SLC9A8: variants seen among roughly 807,000 people sequenced by gnomAD.
The protein encoded by SLC9A8 is solute carrier family 9 member A8, also known as sodium/hydrogen exchanger 8.
Under a neutral mutation model 66.6 loss-of-function variants are expected in SLC9A8, and 48 were observed. The ratio of observed to expected loss-of-function variants is 0.72; its 90% CI spans 0.57 to 0.92. The LOEUF is 0.92. SLC9A8 is among the 40% of genes least tolerant of loss of function. The pLI, the probability that SLC9A8 is intolerant of heterozygous loss-of-function variation, is 0.00. For missense variants in SLC9A8, 599 were observed against 747.3 expected (o/e 0.80, Z 2.31); for synonymous variants, 274 against 282.6 (o/e 0.97, Z 0.31).
At position 49,878,077 on chromosome 20, in the gene SLC9A8, T is replaced by C; in HGVS notation, c.1158+14T>C. 1.2e-6 allele frequency: 1 copy of C among 842,424 alleles called. No homozygotes were observed. The highest frequency in any genetic ancestry group is 1.7e-6 in the Non-Finnish European group (1 of 602,180). 52.2% of individuals were successfully genotyped at this position (842,424 alleles called of 1,614,324 possible). ...ATCTGGTGCATAGTAAGTATTTTCC[T>C]TTTTTTTTTTAAATTTAATTACTTA... On this transcript the variant is annotated intron_variant, in intron 12 of 15. Coordinates refer to ENST00000361573, the MANE Select transcript of SLC9A8 (RefSeq NM_015266.3).
chr20:49,878,381 C>A (rs573395820), intron 12 of SLC9A8, among the ~76,000 whole-genome samples: 60 of 151,936 alleles, frequency 3.9e-4, no homozygotes, highest in Admixed American at 6.6e-4. Flanking sequence ...AAGCAGATTT[C>A]AAAATTGAAT....
rs1462511758 is a variant in SLC9A8, at chr20:49,834,221, A to ACC, written c.290-5319_290-5318insCC. Among the ~76,000 whole-genome samples the ACC allele has an allele frequency of 2.3e-3, 320 of 138,720 alleles. 6 individuals are homozygous for ACC. The highest frequency in any genetic ancestry group is 7.9e-3 in the African/African-American group (295 of 37,536). 91.0% of individuals were successfully genotyped at this position (138,720 alleles called of 152,430 possible). On this transcript the variant is annotated intron_variant, in intron 3 of 15. Transcript: ENST00000361573. The stretch of plus-strand genomic sequence containing the variant: ...TATATATATATATATATATACACAC[A>ACC]CACACTATGTATATACACACACTGT...
At chr20:49,869,732 C>T (rs2089134108) in intron 10 of SLC9A8, among the ~76,000 whole-genome samples, 1 of 152,084 alleles carries the variant, frequency 6.6e-6, no homozygotes, top group East Asian at 1.9e-4. Flanking sequence ...ACTCGGCAGG[C>T]TGAGGCAGGA....
chr20:49,815,173 C>A lies in SLC9A8; in HGVS notation c.192C>A (p.Phe64Leu), dbSNP rs764980719. The change falls in exon 2 of 16, where the codon TTC becomes TTA. Residue 64 changes from phenylalanine to leucine, a missense_variant. Physicochemically the swap from Phe to Leu is conservative, Grantham distance 22. Coordinates refer to ENST00000361573, the MANE Select transcript of SLC9A8 (RefSeq NM_015266.3). ...AGTCCAGCGGCATGACCATTTTCTT[C>A]AGCCTCCTTGTCCTAGGTGAATATG... ...EEQSSGMTIF[F>L]SLLVLAICII... 1.9e-6 allele frequency: 3 copies of A among 1,565,230 alleles called. No individual in the cohort carries two copies. Among genetic ancestry groups the A allele is most frequent in the Non-Finnish European group, 2.6e-6 (3 of 1,153,846 alleles).
rs749212081 is a variant in SLC9A8 at position 49,850,852 on chromosome 20, C to G, written c.569+8C>G. The G allele has an allele frequency of 6.3e-7, 1 of 1,595,812 alleles. No individual in the cohort carries two copies. The highest frequency in any genetic ancestry group is 1.1e-5 in the South Asian group (1 of 86,968). ...ACTCAACATGACAGACAGGTAAATC[C>G]TTCATACTGTAACACCCATGCGACT... On this transcript the variant is annotated splice_region_variant and intron_variant, in intron 7 of 15. Coordinates refer to ENST00000361573, the MANE Select transcript of SLC9A8 (RefSeq NM_015266.3).
intron 4 of SLC9A8, among the ~76,000 whole-genome samples, chr20:49,843,390 A>G (rs551621572): frequency 1.3e-5 from 2 of 152,120 alleles, no homozygotes; most frequent in South Asian, 4.1e-4. Context: ...AGAAGTCATC[A>G]TTTGCTTCTA....
intron 12 of SLC9A8, 71 bp from the exon 13 acceptor site, chr20:49,880,853 C>A: frequency 9.8e-7 from 1 of 1,018,824 alleles, no homozygotes; most frequent in Non-Finnish European, 1.6e-6. Context: ...TCTGCATTAG[C>A]TTCATCCAAG....
chr20:49,855,381 A>G, intron 7 of SLC9A8, 57 bp from the exon 8 acceptor site: 1 of 1,558,056 alleles, frequency 6.4e-7, no homozygotes, highest in Non-Finnish European at 8.8e-7. Context: ...TAATGCTTTA[A>G]TATGTGGACC....
chr20:49,871,632 ATGAGGCAGATACT>A (rs777133022), intron 10 of SLC9A8, among the ~76,000 whole-genome samples: 5 of 152,152 alleles, frequency 3.3e-5, no homozygotes, highest in Non-Finnish European at 7.4e-5. Flanking sequence ...TGGAGGGCAT[ATGAGGCAGATACT>A]TGAGCCATCC....
At position 49,886,185 on chromosome 20, in the gene SLC9A8, C is replaced by T. The variant is rs1322766864; in HGVS notation, c.1492-567C>T. On this transcript the variant is annotated intron_variant, in intron 14 of 15. Coordinates refer to ENST00000361573, the MANE Select transcript of SLC9A8 (RefSeq NM_015266.3). The surrounding 1 kb of genome is among the most constrained non-coding windows in gnomAD (Gnocchi z 4.8). ...ACTGAGACTCCTCCAGCAGAGCAGGCGCTGCACTCAGAGCCTGTCTGCTTT... is the reference window on the plus strand; with the variant it reads ...ACTGAGACTCCTCCAGCAGAGCAGGTGCTGCACTCAGAGCCTGTCTGCTTT... 6.6e-6 allele frequency among the ~76,000 whole-genome samples: 1 copy of T among 151,934 alleles called. No homozygotes were observed. Among genetic ancestry groups the T allele is most frequent in the Non-Finnish European group, 1.5e-5 (1 of 67,978 alleles).
chr20:49,855,140 C>T (rs775599513), intron 7 of SLC9A8, among the ~76,000 whole-genome samples: 6 of 152,090 alleles, frequency 3.9e-5, no homozygotes, highest in Non-Finnish European at 5.9e-5. Flanking sequence ...TGGAACTGGG[C>T]GGTGTATGAT....
intron 3 of SLC9A8, among the ~76,000 whole-genome samples, chr20:49,832,880 A>G (rs2087267197): frequency 6.6e-6 from 1 of 151,398 alleles, no homozygotes; most frequent in African/African-American, 2.4e-5. Context: ...ATATTTGTTA[A>G]GCTGTTTCAC....
At position 49,886,689 on chromosome 20, in the gene SLC9A8, C is replaced by T; in HGVS notation, c.1492-63C>T. The T allele has an allele frequency of 6.3e-7, 1 of 1,576,448 alleles. No homozygotes were observed. Among genetic ancestry groups the T allele is most frequent in the Non-Finnish European group, 8.6e-7 (1 of 1,158,944 alleles). The stretch of plus-strand genomic sequence containing the variant: ...GGCGGCCTGGGTGGTGTGGGGGCTT[C>T]CAGGAGGTGCCCCCCGATGGTGCCA... On this transcript the variant is annotated intron_variant, in intron 14 of 15. Coordinates refer to ENST00000361573, the MANE Select transcript of SLC9A8 (RefSeq NM_015266.3). This position sits in a 1 kb window ranked among gnomAD's most constrained non-coding sequence, Gnocchi z 4.8.
chr20:49,817,920 A>G (rs964954036), intron 2 of SLC9A8, among the ~76,000 whole-genome samples: 1 of 152,130 alleles, frequency 6.6e-6, no homozygotes, highest in Admixed American at 6.6e-5. Context: ...TCTTTTCTTG[A>G]TTAAGAAATC....
At position 49,886,514 on chromosome 20, in the gene SLC9A8, C is replaced by T. The variant is rs953197656; in HGVS notation, c.1492-238C>T. 13 of 451,542 alleles carry T rather than the reference C, an allele frequency of 2.9e-5. No homozygotes were observed. The highest frequency in any genetic ancestry group is 3.1e-5 in the Non-Finnish European group (8 of 255,582). The allele number at this position is 451,542 out of a possible 1,614,324, so 28.0% of individuals were successfully genotyped here. ...CTTAAAGACCAAGCCCCAGCCTGGC[C>T]CAGTCCTTCTGTTTTAGCTGTCCTA... is the stretch of plus-strand genomic sequence containing the variant. On this transcript the variant is annotated intron_variant, in intron 14 of 15. Coordinates refer to ENST00000361573, the MANE Select transcript of SLC9A8 (RefSeq NM_015266.3). The surrounding 1 kb of genome is among the most constrained non-coding windows in gnomAD (Gnocchi z 4.8).
Position 49,874,806 on chromosome 20 carries a change from G to T in SLC9A8, c.1060G>T (p.Val354Leu). The change falls in exon 11 of 16, where the codon GTG becomes TTG. Residue 354 changes from valine (V) to leucine (L), a missense_variant. This residue lies in a region of SLC9A8 where 467 missense variants were observed against 626.5 expected (regional missense o/e 0.75). Coordinates refer to ENST00000361573, the MANE Select transcript of SLC9A8 (RefSeq NM_015266.3). ...QILMQQTLRT[V>L]AFLCETCVFA... ...CCTCATGCAGCAGACCCTCCGCACC[G>T]TGGCCTTCTTATGTGGTGAGTTCTG... 1 of 1,611,816 alleles carries T rather than the reference G, an allele frequency of 6.2e-7. No individual in the cohort carries two copies. The highest frequency in any genetic ancestry group is 1.7e-4 in the Middle Eastern group (1 of 6,058).
chr20:49,849,452 A>T, intron 5 of SLC9A8, 127 bp from the exon 6 acceptor site: 1 of 683,372 alleles, frequency 1.5e-6, no homozygotes, highest in Non-Finnish European at 2.6e-6. Context: ...AGCTTGCCAC[A>T]CAGGTTGGGC....
At chr20:49,819,124 A>G (rs1052700462) in intron 2 of SLC9A8, among the ~76,000 whole-genome samples, 3 of 152,254 alleles carry the variant, frequency 2.0e-5, no homozygotes, top group Non-Finnish European at 2.9e-5. Context: ...TTGACTCCAC[A>G]AGAAAAAATG....
intron 8 of SLC9A8, among the ~76,000 whole-genome samples, chr20:49,859,162 C>A (rs2088634447): frequency 6.6e-6 from 1 of 152,204 alleles, no homozygotes; most frequent in African/African-American, 2.4e-5. Context: ...TGCTGAGACC[C>A]AAGCTGGCTT....
Sources: gnomAD v4.1 joint callset for allele counts (sites outside exome capture counted in the v4.1 genomes callset) on GRCh38, gnomAD v4.1.1 for gene constraint, gnomAD v4.1.1 regional missense constraint, Gnocchi (gnomAD v3.1) non-coding constraint, MANE v1.5 for transcripts, NCBI Gene and HGNC (gene_info 2026-07-23, HGNC 2026-07-21) for gene names.